CNTNAP5: variants seen among roughly 807,000 people sequenced by gnomAD.
CNTNAP5 encodes contactin associated protein family member 5.
CNTNAP5 carries 72 observed loss-of-function variants against 150.2 expected under a neutral mutation model. The ratio of observed to expected loss-of-function variants is 0.48; its 90% CI spans 0.40 to 0.58. The LOEUF (loss-of-function observed/expected upper bound fraction) is 0.58. CNTNAP5 is among the 20% of genes least tolerant of loss of function. The pLI is 0.00. For missense variants in CNTNAP5, 1,636 were observed against 1,626.2 expected, an observed-to-expected ratio of 1.01 and a Z score of -0.10; for synonymous variants, 672 against 619.8, an observed-to-expected ratio of 1.08 and a Z score of -1.25.
rs370783827 is a variant in CNTNAP5 at position 124,651,869 on chromosome 2, G to A, written c.2077+3911G>A. On this transcript the variant is annotated intron_variant, in intron 13 of 23. Coordinates refer to ENST00000682447, the MANE Select transcript of CNTNAP5 (RefSeq NM_001367498.1). ...AGACTCATCACCTTCCATGGCTCAC[G>A]CACCCCTTCATGGGAAGGCCTGTGT... Among the ~76,000 whole-genome samples the A allele has an allele frequency of 1.7e-3, 261 of 152,180 alleles. 2 individuals carry two copies. The highest frequency in any genetic ancestry group is 5.9e-3 in the African/African-American group (243 of 41,528).
chr2:124,771,405 A>G (rs1458574909), intron 16 of CNTNAP5, among the ~76,000 whole-genome samples: 1 of 152,118 alleles, frequency 6.6e-6, no homozygotes, highest in African/African-American at 2.4e-5. Flanking sequence ...AATATACTCA[A>G]CAGAGCAACA....
At chr2:124,648,949 A>G (rs1183154457) in intron 13 of CNTNAP5, among the ~76,000 whole-genome samples, 1 of 152,242 alleles carries the variant, frequency 6.6e-6, no homozygotes, top group Non-Finnish European at 1.5e-5. Context: ...GAAATCATAG[A>G]AACCTAACTA....
At chr2:124,851,497 C>T (rs1052111568) in intron 19 of CNTNAP5, among the ~76,000 whole-genome samples, 5 of 152,114 alleles carry the variant, frequency 3.3e-5, no homozygotes, top group South Asian at 2.1e-4. Flanking sequence ...AAGGTGATAA[C>T]GATGAGAAGG....
At chr2:124,578,019 G>A (rs536579114) in intron 11 of CNTNAP5, among the ~76,000 whole-genome samples, 9 of 152,040 alleles carry the variant, frequency 5.9e-5, no homozygotes, top group Admixed American at 2.6e-4. Flanking sequence ...TGACCAAGAT[G>A]CTGAACATGG....
At chr2:124,432,955 T>C (rs906191210) in intron 4 of CNTNAP5, among the ~76,000 whole-genome samples, 2 of 152,228 alleles carry the variant, frequency 1.3e-5, no homozygotes, top group African/African-American at 4.8e-5. Context: ...TGAGTTCACA[T>C]TGATGTGTCA....
intron 16 of CNTNAP5, among the ~76,000 whole-genome samples, chr2:124,772,549 G>A (rs892685435): frequency 1.4e-4 from 21 of 152,098 alleles, no homozygotes; most frequent in African/African-American, 4.8e-4. Context: ...TATCAGATGA[G>A]CATGAATGGT....
intron 19 of CNTNAP5, among the ~76,000 whole-genome samples, chr2:124,813,894 C>T (rs938710971): frequency 1.3e-5 from 2 of 151,958 alleles, no homozygotes; most frequent in Admixed American, 6.6e-5. Flanking sequence ...TTTGTTCTGG[C>T]CACCCTAATC....
intron 14 of CNTNAP5, among the ~76,000 whole-genome samples, chr2:124,760,441 T>C (rs1680933206): frequency 6.6e-6 from 1 of 152,028 alleles, no homozygotes; most frequent in African/African-American, 2.4e-5. Context: ...TGACATTTCA[T>C]CAAACCTGAA....
intron 3 of CNTNAP5, among the ~76,000 whole-genome samples, chr2:124,360,712 C>T (rs1340950064): frequency 8.6e-6 from 1 of 116,588 alleles, no homozygotes; most frequent in East Asian, 2.4e-4. Flanking sequence ...TTGAGGGTAA[C>T]CCGACCTTTC....
At chr2:124,874,186 T>C (rs1677807570) in intron 21 of CNTNAP5, among the ~76,000 whole-genome samples, 1 of 152,122 alleles carries the variant, frequency 6.6e-6, no homozygotes, top group African/African-American at 2.4e-5. Context: ...GCAAGGTTTA[T>C]TCTTTGGTTT....
chr2:124,407,137 T>A (rs1315161805), intron 3 of CNTNAP5, among the ~76,000 whole-genome samples: 1 of 152,192 alleles, frequency 6.6e-6, no homozygotes, highest in African/African-American at 2.4e-5. Context: ...TAAGTAGTGC[T>A]GTGATAAACA....
intron 11 of CNTNAP5, among the ~76,000 whole-genome samples, chr2:124,591,665 C>T (rs1696686533): frequency 6.6e-6 from 1 of 152,130 alleles, no homozygotes; most frequent in Non-Finnish European, 1.5e-5. Flanking sequence ...AGCCACCCTG[C>T]ACTCATATAG....
At chr2:124,646,834 A>G (rs1043840081) in intron 12 of CNTNAP5, among the ~76,000 whole-genome samples, 4 of 152,138 alleles carry the variant, frequency 2.6e-5, no homozygotes, top group Non-Finnish European at 5.9e-5. Context: ...GGGGCTGGGC[A>G]CGCTGGCTCA....
In CNTNAP5 at chr2:124,773,908, G is replaced by A. The variant is rs574828982; in HGVS notation, c.2752+891G>A. On this transcript the variant is annotated intron_variant, in intron 17 of 23. Coordinates refer to ENST00000682447, the MANE Select transcript of CNTNAP5 (RefSeq NM_001367498.1). ...TACATTTTGTTAAACATAAGGGAGT[G>A]CGTGTGTGTGTGTGTGTGTGTGTGT... is the stretch of plus-strand genomic sequence containing the variant. 4.3e-3 allele frequency among the ~76,000 whole-genome samples: 208 copies of A among 47,856 alleles called. No individual in the cohort carries two copies. The South Asian group carries it at 0.055, about 13-fold the overall frequency. 31.4% of individuals were successfully genotyped at this position (47,856 alleles called of 152,430 possible).
rs140390425 is a variant in CNTNAP5 at position 124,649,522 on chromosome 2, C to T, written c.2077+1564C>T. ...TGACTATGGGACTTCTTTTAGGATA[C>T]GCACTCCGTGATATCAATTTGGCTA... On this transcript the variant is annotated intron_variant, in intron 13 of 23. Transcript: ENST00000682447. Among the ~76,000 whole-genome samples, 1,342 of 152,176 alleles carry T rather than the reference C, an allele frequency of 8.8e-3. 21 individuals carry two copies. Among genetic ancestry groups the T allele is most frequent in the African/African-American group, 0.03 (1,226 of 41,494 alleles).
intron 7 of CNTNAP5, among the ~76,000 whole-genome samples, chr2:124,496,713 C>G (rs1419802271): frequency 6.6e-6 from 1 of 152,170 alleles, no homozygotes; most frequent in African/African-American, 2.4e-5. Flanking sequence ...GCGGGACAGC[C>G]ACACCTGACT....
chr2:124,109,352 G>A (rs919830736), intron 1 of CNTNAP5, among the ~76,000 whole-genome samples: 1 of 152,080 alleles, frequency 6.6e-6, no homozygotes, highest in African/African-American at 2.4e-5. Context: ...CTCGAGGCGA[G>A]GCCCAGGCAC....
intron 3 of CNTNAP5, among the ~76,000 whole-genome samples, chr2:124,249,801 C>T (rs1229866495): frequency 2.6e-5 from 4 of 152,092 alleles, no homozygotes; most frequent in Non-Finnish European, 4.4e-5. Context: ...CTCTTTTCAT[C>T]GACAAGAGTT....
chr2:124,619,885 A>G (rs1182579876), intron 12 of CNTNAP5, among the ~76,000 whole-genome samples: 1 of 94,780 alleles, frequency 1.1e-5, no homozygotes, highest in Non-Finnish European at 2.0e-5. Flanking sequence ...ATATATATAT[A>G]CTCCTTCTCT....
Sources: gnomAD v4.1 joint callset for allele counts (sites outside exome capture counted in the v4.1 genomes callset) on GRCh38, gnomAD v4.1.1 for gene constraint, MANE v1.5 for transcripts, NCBI Gene and HGNC (gene_info 2026-07-23, HGNC 2026-07-21) for gene names.